Variants in TLE2 observed in about 807,000 individuals in gnomAD.
TLE2 encodes TLE family member 2, transcriptional corepressor.
In TLE2, 74 loss-of-function variants were observed where a neutral mutation model predicts 97.2. That is an observed-to-expected ratio of 0.76 (90% CI 0.63 to 0.92). The LOEUF is 0.92. Among genes scored for constraint, TLE2 ranks in the 40% least tolerant of loss-of-function variants. The probability of loss-of-function intolerance (pLI) is 0.00; values close to 1 mark genes in which losing one functional copy is unlikely to be tolerated. For synonymous variants in TLE2, 499 were observed against 432.1 expected, an observed-to-expected ratio of 1.15 and a Z score of -1.92; for missense variants, 1,038 against 1,008.7, an observed-to-expected ratio of 1.03 and a Z score of -0.39.
Position 3,029,243 on chromosome 19 carries a change from GC to G in TLE2, c.-340del, listed in dbSNP as rs2089998680. The stretch of plus-strand genomic sequence containing the variant: ...TCGGTGGCGGCGGCGCGGGCGGCGG[GC>G]CCCGCGCGGAGCCGCCTCCCTCCGG... On this transcript the variant is annotated 5_prime_UTR_variant, in exon 1 of 20. Transcript: ENST00000262953. 4 of 266,416 alleles carry G rather than the reference GC, an allele frequency of 1.5e-5. No homozygotes were observed. Among genetic ancestry groups the G allele is most frequent in the South Asian group, 2.8e-4 (2 of 7,118 alleles). The allele number at this position is 266,416 out of a possible 1,614,324, so 16.5% of individuals were successfully genotyped here. A position where few individuals can be genotyped will look rare whatever the true frequency, so the allele number is the denominator to read the frequency against.
At chr19:3,000,597 T>A (rs771341717) in intron 19 of TLE2, 50 bp downstream of exon 19, 1 of 1,523,048 alleles carries the variant, frequency 6.6e-7, no homozygotes, top group South Asian at 1.2e-5. Context: ...GACCCTGGCA[T>A]ACCCGGGCAC....
intron 15 of TLE2, 198 bp downstream of exon 15, chr19:3,006,222 C>G (rs2089473423): frequency 9.9e-7 from 1 of 1,010,450 alleles, no homozygotes; most frequent in Non-Finnish European, 1.5e-6. Context: ...TCTTGCAAGT[C>G]CAATTCAGAT....
chr19:3,028,603 C>T, intron 2 of TLE2, 103 bp downstream of exon 2: 3 of 1,373,408 alleles, frequency 2.2e-6, no homozygotes, highest in Non-Finnish European at 3.1e-6. Flanking sequence ...GTCGCGCCCC[C>T]CCTCCAACCG....
chr19:2,999,494 A>G lies in TLE2; in HGVS notation c.2124+1153T>C, dbSNP rs565723831. ...TGTAATCCCAGCACTTTGGGAGGCC[A>G]AGGCGGGTGGATCATGAGGTCAGGA... On this transcript the variant is annotated intron_variant, in intron 19 of 19. Transcript: ENST00000262953. Among the ~76,000 whole-genome samples the G allele has an allele frequency of 1.7e-4, 26 of 152,072 alleles. No homozygotes were observed. The East Asian group carries it at 4.1e-3, about 24-fold the overall frequency.
chr19:3,025,281 C>T (rs574117740), intron 4 of TLE2, 199 bp from the exon 5 acceptor site: 454 of 1,169,676 alleles, frequency 3.9e-4, no homozygotes, highest in African/African-American at 2.1e-3. Flanking sequence ...CTCAGCTGAG[C>T]GAGGCCCAGG....
chr19:3,045,758 C>T (rs199915089), exon 1 of TLE2: 15 of 446,730 alleles, frequency 3.4e-5, no homozygotes, highest in African/African-American at 6.0e-5. Flanking sequence ...TCTTGGGAGG[C>T]GGAGGTTGCA....
In TLE2 at chr19:3,017,829, C is replaced by G. The variant is rs1400566681; in HGVS notation, c.570+11G>C. The G allele has an allele frequency of 1.2e-6, 2 of 1,610,820 alleles. No homozygotes were observed. The highest frequency in any genetic ancestry group is 1.7e-6 in the Non-Finnish European group (2 of 1,178,602). ...GAATATAAAAAGAGTCCCAGGGTGC[C>G]ACTCACTTACCCTGCTCGGGGCTCT... is the stretch of plus-strand genomic sequence containing the variant. On this transcript the variant is annotated intron_variant, in intron 8 of 19. Transcript: ENST00000262953.
At position 3,004,722 on chromosome 19, in the gene TLE2, G is replaced by C. The variant is rs1230059091; in HGVS notation, c.1896+715C>G. Among the ~76,000 whole-genome samples, 4 of 151,788 alleles carry C rather than the reference G, an allele frequency of 2.6e-5. No homozygotes were observed. The South Asian group carries it at 8.3e-4, about 32-fold the overall frequency. On this transcript the variant is annotated intron_variant, in intron 17 of 19. Transcript: ENST00000262953. ...GGTCTTGAGGGATGAATAGGAGTTT[G>C]CCAATTACAGAAAGAAGAGAAAGGC... is the stretch of plus-strand genomic sequence containing the variant.
intron 12 of TLE2, 104 bp downstream of exon 12, chr19:3,010,918 C>CACCA: frequency 6.9e-7 from 1 of 1,452,732 alleles, no homozygotes; most frequent in Non-Finnish European, 9.2e-7. Flanking sequence ...AGGCAATGAA[C>CACCA]ACCAAGCCTG....
chr19:3,006,019 T>A, intron 15 of TLE2, 51 bp from the exon 16 acceptor site: 1 of 1,600,716 alleles, frequency 6.2e-7, no homozygotes, highest in South Asian at 1.1e-5. Context: ...AGGTGAGGTC[T>A]CTAGGAGCCT....
chr19:3,040,994 TA>T (rs2090096288), intron 1 of TLE2, among the ~76,000 whole-genome samples: 10 of 24,542 alleles, frequency 4.1e-4, no homozygotes, highest in African/African-American at 2.6e-3. Context: ...CTGCCATTTA[TA>T]TATATATATA....
At chr19:3,046,925 C>G (rs1599261594), upstream of TLE2, among the ~76,000 whole-genome samples, 1 of 125,002 alleles carries the variant, frequency 8.0e-6, no homozygotes, top group East Asian at 2.5e-4. Flanking sequence ...CCTCCTCCCC[C>G]TCCTCTGCCT....
intron 8 of TLE2, 91 bp from the exon 9 acceptor site, chr19:3,015,851 C>T (rs2089691635): frequency 2.1e-6 from 2 of 963,912 alleles, no homozygotes; most frequent in Non-Finnish European, 3.2e-6. Context: ...GGGTCCCCCA[C>T]CATTATTAGG....
chr19:3,022,177 T>C lies in TLE2; in HGVS notation c.295-2404A>G, dbSNP rs560051912. ...AATTCTCCTGCCTCAGCCTCCCGAG[T>C]AGCTGGGATTACAGGCACCTGCCAC... On this transcript the variant is annotated intron_variant, in intron 5 of 19. Coordinates refer to ENST00000262953, the MANE Select transcript of TLE2 (RefSeq NM_003260.5). Among the ~76,000 whole-genome samples, 7 of 151,832 alleles carry C rather than the reference T, an allele frequency of 4.6e-5. No individual in the cohort carries two copies. In the East Asian group the frequency reaches 1.4e-3, roughly 30 times the overall value.
intron 18 of TLE2, 23 bp from the exon 19 acceptor site, chr19:3,000,746 G>A (rs1328019519): frequency 3.8e-6 from 6 of 1,563,392 alleles, no homozygotes; most frequent in South Asian, 1.2e-5. Flanking sequence ...GAGCAGCAGG[G>A]TTCAAGGAGG....
At chr19:3,035,706 A>T (rs1235904480) in intron 1 of TLE2, among the ~76,000 whole-genome samples, 1 of 152,130 alleles carries the variant, frequency 6.6e-6, no homozygotes, top group African/African-American at 2.4e-5. Flanking sequence ...CAGTGACGTC[A>T]CATAGGAAAC....
chr19:3,018,219 G>A (rs1301327806), intron 7 of TLE2, among the ~76,000 whole-genome samples: 2 of 151,992 alleles, frequency 1.3e-5, no homozygotes, highest in African/African-American at 4.8e-5. Flanking sequence ...GCAGCCTCGA[G>A]TTCCCGGGCT....
intron 19 of TLE2, 97 bp from the exon 20 acceptor site, chr19:2,998,052 C>G (rs888990291): frequency 9.0e-6 from 7 of 780,360 alleles, no homozygotes. Context: ...AACGGGAGGT[C>G]AGGACTCGCC....
chr19:3,017,160 CAG>C (rs1438337537), intron 8 of TLE2, among the ~76,000 whole-genome samples: 1 of 149,922 alleles, frequency 6.7e-6, no homozygotes, highest in African/African-American at 2.5e-5. Context: ...TTTTTTGAGA[CAG>C]AGTCTCATAC....
Sources: gnomAD v4.1 joint callset for allele counts (sites outside exome capture counted in the v4.1 genomes callset) on GRCh38, gnomAD v4.1.1 for gene constraint, MANE v1.5 for transcripts, NCBI Gene and HGNC (gene_info 2026-07-23, HGNC 2026-07-21) for gene names.